The following MACROD1 variants were observed in gnomAD, a reference collection of about 807,000 sequenced individuals.
MACROD1 encodes the protein ADP-ribose glycohydrolase MACROD1.
In MACROD1, 31 loss-of-function variants were observed where a neutral mutation model predicts 41.4. The observed-to-expected ratio is 0.75, with a 90% CI of 0.56 to 1.01. MACROD1 has a LOEUF of 1.01. Among genes scored for constraint, MACROD1 ranks in the 50% least tolerant of loss-of-function variants. MACROD1 has a pLI of 0.00. For missense variants in MACROD1, 473 were observed against 460.0 expected (o/e 1.03, Z -0.26); for synonymous variants, 252 against 203.4 (o/e 1.24, Z -2.03).
chr11:64,140,652 AC>A (rs1274622590), intron 3 of MACROD1, among the ~76,000 whole-genome samples: 1 of 152,182 alleles, frequency 6.6e-6, no homozygotes, highest in Non-Finnish European at 1.5e-5. Context: ...CAGACACTGT[AC>A]TGAGCATCCT....
intron 1 of MACROD1, among the ~76,000 whole-genome samples, chr11:64,156,424 G>A (rs1222708875): frequency 1.3e-5 from 2 of 152,204 alleles, no homozygotes; most frequent in South Asian, 2.1e-4. Context: ...TGATGCTGGC[G>A]GGACTGGTGG....
At chr11:64,127,461 C>A (rs1945203113) in intron 3 of MACROD1, among the ~76,000 whole-genome samples, 1 of 152,092 alleles carries the variant, frequency 6.6e-6, no homozygotes, top group South Asian at 2.1e-4. Context: ...CCTCCCCGGG[C>A]CTTGCCCCCG....
Position 64,064,006 on chromosome 11 carries a change from C to T in MACROD1, c.518-48725G>A, listed in dbSNP as rs1482565079. Among the ~76,000 whole-genome samples, 1 of 152,126 alleles carries T rather than the reference C, an allele frequency of 6.6e-6. No individual in the cohort carries two copies. The highest frequency in any genetic ancestry group is 1.5e-5 in the Non-Finnish European group (1 of 68,006). On this transcript the variant is annotated intron_variant, in intron 3 of 10. Transcript: ENST00000255681. This position sits in a 1 kb window ranked among gnomAD's most constrained non-coding sequence, Gnocchi z 4.5. ...GTGACGGCTCCTCTTGTCAGGCAGC[C>T]GCAGGGAGAGAGCGCATCTTCACTG...
At chr11:64,118,412 T>C in intron 3 of MACROD1, 1 of 1,282,316 alleles carries the variant, frequency 7.8e-7, no homozygotes, top group Non-Finnish European at 1.0e-6. Flanking sequence ...GTGACTTTCC[T>C]CCGCAGAAAG....
Position 64,078,169 on chromosome 11 carries a change from C to G in MACROD1, c.518-62888G>C, listed in dbSNP as rs188576766. ...CAACCTCAACCCTCCTTGTGCCCAG[C>G]TCTGTGCCCGCCCCAGAGATGCAGA... On this transcript the variant is annotated intron_variant, in intron 3 of 10. Coordinates refer to ENST00000255681, the MANE Select transcript of MACROD1 (RefSeq NM_014067.4). Among the ~76,000 whole-genome samples the G allele has an allele frequency of 2.5e-3, 378 of 152,334 alleles. 1 individual carries two copies. The highest frequency in any genetic ancestry group is 8.7e-3 in the African/African-American group (362 of 41,584).
intron 3 of MACROD1, among the ~76,000 whole-genome samples, chr11:64,106,205 G>A (rs972535404): frequency 1.3e-5 from 2 of 152,188 alleles, no homozygotes; most frequent in African/African-American, 4.8e-5. Context: ...GCCTGGGTTT[G>A]TGGCCACCCC....
At chr11:64,024,962 A>G (rs990485431) in intron 3 of MACROD1, among the ~76,000 whole-genome samples, 74 of 152,078 alleles carry the variant, frequency 4.9e-4, no homozygotes, top group African/African-American at 1.6e-3. Context: ...ACCAGAAGCT[A>G]TTTTATTGTT....
chr11:64,150,541 G>A (rs1945560121), intron 3 of MACROD1, among the ~76,000 whole-genome samples: 1 of 152,206 alleles, frequency 6.6e-6, no homozygotes, highest in African/African-American at 2.4e-5. Context: ...CGAGGGCCGG[G>A]GTTCAGCCGC....
At chr11:64,162,806 C>T (rs375628992) in intron 1 of MACROD1, among the ~76,000 whole-genome samples, 2 of 146,064 alleles carry the variant, frequency 1.4e-5, no homozygotes, top group East Asian at 4.1e-4. Context: ...CAGAGCAAGA[C>T]TCCATCTCAA....
At chr11:64,159,786 C>T (rs1465522373) in intron 1 of MACROD1, among the ~76,000 whole-genome samples, 4 of 152,134 alleles carry the variant, frequency 2.6e-5, no homozygotes, top group African/African-American at 9.7e-5. Context: ...AAGAGCGAAA[C>T]TCGGTCTCAA....
intron 3 of MACROD1, among the ~76,000 whole-genome samples, chr11:64,030,806 C>T (rs1943283953): frequency 6.6e-6 from 1 of 151,554 alleles, no homozygotes; most frequent in Non-Finnish European, 1.5e-5. Flanking sequence ...ATTCCAGCTA[C>T]TCGGGAGGCT....
intron 3 of MACROD1, among the ~76,000 whole-genome samples, chr11:64,044,831 G>A (rs1056727824): frequency 2.6e-5 from 4 of 152,178 alleles, no homozygotes; most frequent in African/African-American, 9.7e-5. Context: ...GTCTCCTGTG[G>A]TCTAAGAGCC....
chr11:64,094,100 C>A lies in MACROD1; in HGVS notation c.517+57139G>T, dbSNP rs539805617. 3.9e-5 allele frequency among the ~76,000 whole-genome samples: 6 copies of A among 152,250 alleles called. No individual in the cohort carries two copies. In the South Asian group the frequency reaches 8.3e-4, roughly 21 times the overall value. On this transcript the variant is annotated intron_variant, in intron 3 of 10. Coordinates refer to ENST00000255681, the MANE Select transcript of MACROD1 (RefSeq NM_014067.4). ...TCATCTGAGGTCAGGAGTTTGAGAC[C>A]AGCCTGGACAACATGGTGAAACCCC...
chr11:64,108,826 T>G (rs1014890671), intron 3 of MACROD1, among the ~76,000 whole-genome samples: 1 of 152,114 alleles, frequency 6.6e-6, no homozygotes, highest in Non-Finnish European at 1.5e-5. Flanking sequence ...ACCTGGGGGC[T>G]GGGAAGTGGG....
Position 64,120,415 on chromosome 11 carries a change from A to C in MACROD1, c.517+30824T>G, listed in dbSNP as rs967238366. On this transcript the variant is annotated intron_variant, in intron 3 of 10. Transcript: ENST00000255681. This position sits in a 1 kb window ranked among gnomAD's most constrained non-coding sequence, Gnocchi z 4.5. Reference sequence around the variant, plus strand: ...TAAAAGGCAGCCCCAGGCCGGGTGCAGTGGCTCACGCCTGTAATCCCAGCA... The same window carrying C: ...TAAAAGGCAGCCCCAGGCCGGGTGCCGTGGCTCACGCCTGTAATCCCAGCA... 1.3e-5 allele frequency among the ~76,000 whole-genome samples: 2 copies of C among 152,218 alleles called. No homozygotes were observed. Among genetic ancestry groups the C allele is most frequent in the Admixed American group, 6.5e-5 (1 of 15,286 alleles).
chr11:64,127,471 G>A (rs1447438984), intron 3 of MACROD1, among the ~76,000 whole-genome samples: 2 of 145,928 alleles, frequency 1.4e-5, no homozygotes. Flanking sequence ...CCTTGCCCCC[G>A]AGGGTCAGCT....
intron 3 of MACROD1, among the ~76,000 whole-genome samples, chr11:64,048,323 T>TGCCA (rs990599178): frequency 6.6e-6 from 1 of 152,224 alleles, no homozygotes; most frequent in Non-Finnish European, 1.5e-5. Context: ...CCAGCCTTTG[T>TGCCA]GCCAGTGCAC....
intron 3 of MACROD1, among the ~76,000 whole-genome samples, chr11:64,039,046 C>T (rs1199285685): frequency 6.6e-6 from 1 of 152,186 alleles, no homozygotes; most frequent in African/African-American, 2.4e-5. Flanking sequence ...TCAGCTTCTT[C>T]AGGCCTTGGG....
chr11:64,117,084 C>T, intron 3 of MACROD1: 1 of 1,603,474 alleles, frequency 6.2e-7, no homozygotes, highest in Non-Finnish European at 8.5e-7. Context: ...CGCCCACCTG[C>T]AGAAGCTCTA....
Sources: allele counts gnomAD v4.1 joint callset (sites outside exome capture counted in the v4.1 genomes callset), GRCh38; gene constraint gnomAD v4.1.1; non-coding constraint Gnocchi (gnomAD v3.1); transcripts MANE v1.5; gene names NCBI Gene and HGNC (gene_info 2026-07-23, HGNC 2026-07-21).